The following DGCR2 variants were observed in gnomAD, a reference collection of about 807,000 sequenced individuals.
The protein encoded by DGCR2 is integral membrane protein DGCR2/IDD.
A neutral mutation model predicts 51.6 loss-of-function variants in DGCR2; 24 were observed. The ratio of observed to expected loss-of-function variants is 0.47; its 90% confidence interval spans 0.34 to 0.65. The LOEUF is 0.65. Ranked by LOEUF, DGCR2 falls within the 30% of genes least tolerant of loss-of-function variation. The pLI is 0.01. For synonymous variants in DGCR2, 340 were observed against 315.4 expected, an observed-to-expected ratio of 1.08 and a Z score of -0.82; for missense variants, 765 against 772.1, an observed-to-expected ratio of 0.99 and a Z score of 0.11.
Position 19,041,936 on chromosome 22 carries a change from T to C in DGCR2, c.1030A>G (p.Met344Val), listed in dbSNP as rs768344934. Residue 344 changes from methionine (M) to valine (V), a missense_variant, in exon 8 of 10, where the codon ATG becomes GTG. Transcript: ENST00000263196. ...DPDGNSLFDS[M>V]ASGMRLVVSC... ...ACGACCAGGCGCATCCCGCTGGCCA[T>C]GGAGTCAAACAGACTGTTGCCATCT... 1.5e-5 allele frequency: 24 copies of C among 1,613,230 alleles called. No homozygotes were observed. The highest frequency in any genetic ancestry group is 2.2e-5 in the South Asian group (2 of 91,008).
chr22:19,060,030 G>C (rs1351119174), intron 5 of DGCR2, among the ~76,000 whole-genome samples: 1 of 152,184 alleles, frequency 6.6e-6, no homozygotes, highest in African/African-American at 2.4e-5. Context: ...GGGCTGTCCA[G>C]ATGCTCCCGA....
At chr22:19,084,240 C>T (rs1175572301) in intron 2 of DGCR2, among the ~76,000 whole-genome samples, 1 of 151,380 alleles carries the variant, frequency 6.6e-6, no homozygotes, top group Non-Finnish European at 1.5e-5. Flanking sequence ...GTGAGGAGCG[C>T]CTCTTCCCTG....
At chr22:19,040,768 GC>G (rs2146300647) in intron 9 of DGCR2, among the ~76,000 whole-genome samples, 1 of 152,344 alleles carries the variant, frequency 6.6e-6, no homozygotes, top group Admixed American at 6.5e-5. Context: ...TGGGCTGAGG[GC>G]CCTGAGGGCT....
chr22:19,105,778 T>C (rs1234497615), intron 1 of DGCR2, among the ~76,000 whole-genome samples: 3 of 152,160 alleles, frequency 2.0e-5, no homozygotes, highest in Non-Finnish European at 4.4e-5. Context: ...TTCCAAACAG[T>C]GCACAGACCA....
At chr22:19,063,542 G>T (rs1413929440) in intron 4 of DGCR2, among the ~76,000 whole-genome samples, 1 of 151,152 alleles carries the variant, frequency 6.6e-6, no homozygotes, top group Non-Finnish European at 1.5e-5. Flanking sequence ...GTAGAGACGG[G>T]GTTTCACCAT....
At chr22:19,080,651 C>T (rs2082925758) in intron 2 of DGCR2, among the ~76,000 whole-genome samples, 1 of 152,162 alleles carries the variant, frequency 6.6e-6, no homozygotes, top group African/African-American at 2.4e-5. Context: ...GCCTCAGCAA[C>T]AGGGCGAGAC....
At chr22:19,063,761 T>C (rs980145043) in intron 4 of DGCR2, among the ~76,000 whole-genome samples, 2 of 152,104 alleles carry the variant, frequency 1.3e-5, no homozygotes, top group Non-Finnish European at 2.9e-5. Context: ...GCCAAGACTG[T>C]TTCTATGAGC....
chr22:19,041,261 C>G lies in DGCR2; in HGVS notation c.1193G>C (p.Gly398Ala). The G allele has an allele frequency of 6.2e-7, 1 of 1,614,142 alleles. No homozygotes were observed. The highest frequency in any genetic ancestry group is 8.5e-7 in the Non-Finnish European group (1 of 1,180,004). Reference protein sequence around the residue: ...HHFNLGRRIPGFDYGPDGFGT... With the variant: ...HHFNLGRRIPAFDYGPDGFGT... ...AAACCCGTCTGGGCCGTAATCAAAG[C>G]CAGGGATCCTGCGGCCGAGGTTGAA... The change falls in exon 9 of 10, where the codon GGC becomes GCC. Residue 398 changes from glycine to alanine, a missense_variant. Gly to Ala is a moderately conservative substitution (Grantham distance 60, BLOSUM62 0). Around this residue, in one of 3 missense-constraint regions of DGCR2, gnomAD observed 190 missense variants for 265.2 expected, o/e 0.72. Coordinates refer to ENST00000263196, the MANE Select transcript of DGCR2 (RefSeq NM_005137.3).
intron 2 of DGCR2, among the ~76,000 whole-genome samples, chr22:19,088,779 A>G (rs2146011523): frequency 6.6e-6 from 1 of 152,292 alleles, no homozygotes; most frequent in Middle Eastern, 3.4e-3. Flanking sequence ...TCCAGTGAAC[A>G]TTGTTATTCA....
chr22:19,057,148 A>G lies in DGCR2; in HGVS notation c.640T>C (p.Phe214Leu). ...GCAAAGATGGGGTCTGGGGGCAGGA[A>G]CACCTCTGAAGAGCCTGTTGGGGAG... ...EVAFKGSSEVFLPPDPIFASA... is the reference protein window; with the variant it reads ...EVAFKGSSEVLLPPDPIFASA... The change falls in exon 6 of 10, where the codon TTC (phenylalanine) becomes CTC (leucine). Residue 214 changes from phenylalanine (F) to leucine (L), a missense_variant. Phe to Leu is a conservative substitution (Grantham distance 22). Around this residue, in one of 3 missense-constraint regions of DGCR2, gnomAD observed 370 missense variants for 325.5 expected, o/e 1.14. Coordinates refer to ENST00000263196, the MANE Select transcript of DGCR2 (RefSeq NM_005137.3). The surrounding 1 kb of genome is among the most constrained non-coding windows in gnomAD (Gnocchi z 5.1). 1.2e-6 allele frequency: 2 copies of G among 1,605,814 alleles called. No homozygotes were observed. Among genetic ancestry groups the G allele is most frequent in the Middle Eastern group, 1.7e-4 (1 of 5,994 alleles).
At chr22:19,083,722 CACGG>C (rs2082969946) in intron 2 of DGCR2, among the ~76,000 whole-genome samples, 1 of 109,732 alleles carries the variant, frequency 9.1e-6, no homozygotes, top group African/African-American at 3.7e-5. Flanking sequence ...TCCCTCTCCC[CACGG>C]TCTCCCTCTC....
chr22:19,072,898 T>A (rs567301051), intron 2 of DGCR2, among the ~76,000 whole-genome samples: 1 of 151,852 alleles, frequency 6.6e-6, no homozygotes, highest in African/African-American at 2.4e-5. Context: ...AAATTTTTTT[T>A]TAAAAAAAAG....
At chr22:19,082,128 G>A (rs2525032) in intron 2 of DGCR2, among the ~76,000 whole-genome samples, 2 of 148,562 alleles carry the variant, frequency 1.3e-5, no homozygotes, top group African/African-American at 4.9e-5. Flanking sequence ...GCTCACTGCA[G>A]CCTTGACCTC....
intron 1 of DGCR2, among the ~76,000 whole-genome samples, chr22:19,105,520 T>C (rs2800970): frequency 0.41 from 62,348 of 152,048 alleles, 13,261 homozygotes; most frequent in African/African-American, 0.53. Context: ...GGCAGGCCTC[T>C]GGCAAGCACC....
chr22:19,074,283 G>T (rs1313692588), intron 2 of DGCR2, among the ~76,000 whole-genome samples: 2 of 151,990 alleles, frequency 1.3e-5, no homozygotes, highest in Non-Finnish European at 2.9e-5. Context: ...AAAATTAGCT[G>T]GGTGTGGTGG....
At position 19,068,134 on chromosome 22, in the gene DGCR2, G is replaced by T. The variant is rs201797328; in HGVS notation, c.294C>A (p.His98Gln). Reference sequence around the variant, plus strand: ...GAACGGGCTGCGCCACGTTCACCGCGTGGAAGTGCGAAGGGTCGCCTCCTC... The same window carrying T: ...GAACGGGCTGCGCCACGTTCACCGCTTGGAAGTGCGAAGGGTCGCCTCCTC... ...RARGGDPSHF[H>Q]AVNVAQPVRF... Residue 98 changes from histidine (H) to glutamine (Q), a missense_variant, in exon 3 of 10, where the codon CAC becomes CAA. This residue lies in a region of DGCR2 where 370 missense variants were observed against 325.5 expected (regional missense o/e 1.14). Coordinates refer to ENST00000263196, the MANE Select transcript of DGCR2 (RefSeq NM_005137.3). The T allele has an allele frequency of 1.2e-6, 2 of 1,608,274 alleles. No individual in the cohort carries two copies. The highest frequency in any genetic ancestry group is 3.4e-5 in the Admixed American group (2 of 59,086).
intron 1 of DGCR2, among the ~76,000 whole-genome samples, chr22:19,093,105 A>G (rs556744724): frequency 3.3e-5 from 5 of 152,326 alleles, no homozygotes; most frequent in African/African-American, 9.6e-5. Context: ...TCATGCCTGT[A>G]ATCCCAGCAC....
In DGCR2 at chr22:19,122,361, G is replaced by T; in HGVS notation, c.-155C>A. ...AGAGCTTCGGCTGGGCCGCGGGCTG[G>T]CGCACACTCTCGGCTGCAACCTCAG... On this transcript the variant is annotated 5_prime_UTR_variant, in exon 1 of 10. Coordinates refer to ENST00000263196, the MANE Select transcript of DGCR2 (RefSeq NM_005137.3). 1.9e-6 allele frequency: 1 copy of T among 539,824 alleles called. No homozygotes were observed. Among genetic ancestry groups the T allele is most frequent in the African/African-American group, 2.0e-5 (1 of 49,690 alleles). The allele number at this position is 539,824 out of a possible 1,614,324, so 33.4% of individuals were successfully genotyped here.
At chr22:19,089,583 T>C in intron 1 of DGCR2, 93 bp from the exon 2 acceptor site, 1 of 1,312,202 alleles carries the variant, frequency 7.6e-7, no homozygotes, top group Non-Finnish European at 9.9e-7. Flanking sequence ...CCCATTTGTT[T>C]GTTTGTTTGT....
Sources: gnomAD v4.1 joint callset for allele counts (sites outside exome capture counted in the v4.1 genomes callset) on GRCh38, gnomAD v4.1.1 for gene constraint, gnomAD v4.1.1 regional missense constraint, Gnocchi (gnomAD v3.1) non-coding constraint, MANE v1.5 for transcripts, NCBI Gene and HGNC (gene_info 2026-07-23, HGNC 2026-07-21) for gene names.